The following LINGO1 variants were observed in gnomAD, a reference collection of about 807,000 sequenced individuals.
The protein encoded by LINGO1 is leucine rich repeat and Ig domain containing 1, also known as leucine-rich repeat and immunoglobulin-like domain-containing nogo receptor-interacting protein 1.
LINGO1 carries 11 observed loss-of-function variants against 37.3 expected under a neutral mutation model. The observed-to-expected ratio is 0.29, with a 90% CI of 0.19 to 0.49. LINGO1 has a LOEUF of 0.49. Ranked by LOEUF, LINGO1 falls within the 20% of genes least tolerant of loss-of-function variation. The pLI is 0.99. For missense variants in LINGO1, 585 were observed against 878.2 expected, an observed-to-expected ratio of 0.67 and a Z score of 4.22; for synonymous variants, 387 against 403.0, an observed-to-expected ratio of 0.96 and a Z score of 0.48.
chr15:77,629,725 G>T lies in LINGO1; in HGVS notation c.6+2585C>A, dbSNP rs76251206. Among the ~76,000 whole-genome samples the T allele has an allele frequency of 3.4e-3, 517 of 152,324 alleles. 4 individuals carry two copies. The highest frequency in any genetic ancestry group is 0.012 in the African/African-American group (486 of 41,564). ...CAGGGGCCAGGCAGGAGGGCAAAAG[G>T]AAGGGTACTAGGATTGCTCAGGGTG... On this transcript the variant is annotated intron_variant, in intron 1 of 1. Coordinates refer to ENST00000355300, the MANE Select transcript of LINGO1 (RefSeq NM_032808.7).
intron 1 of LINGO1, among the ~76,000 whole-genome samples, chr15:77,616,170 A>G (rs2073713987): frequency 6.6e-6 from 1 of 152,258 alleles, no homozygotes; most frequent in South Asian, 2.1e-4. Context: ...CACCTCAGAC[A>G]GCCTGGCATT....
chr15:77,714,343 A>C (rs953527346), intron 2 of LINGO1, among the ~76,000 whole-genome samples: 7 of 152,004 alleles, frequency 4.6e-5, no homozygotes, highest in African/African-American at 1.7e-4. Flanking sequence ...GCAGCTGGAG[A>C]GATCTTTTTT....
chr15:77,688,671 T>C (rs940990134), intron 2 of LINGO1, among the ~76,000 whole-genome samples: 12 of 152,154 alleles, frequency 7.9e-5, no homozygotes, highest in African/African-American at 2.4e-4. Context: ...CCCGCCACGG[T>C]TGGTTATTTA....
rs375086997 is a variant in LINGO1 at position 77,782,577 on chromosome 15, A to G, written c.-257+4292T>C. On this transcript the variant is annotated intron_variant, in intron 1 of 3. Coordinates refer to the LINGO1 transcript ENST00000561686. ...TCAAACCCGGCAAGTCCAAACCAGGATGCCTGCACCTCCACCTGCGCCATA... is the reference window on the plus strand; with the variant it reads ...TCAAACCCGGCAAGTCCAAACCAGGGTGCCTGCACCTCCACCTGCGCCATA... 3.3e-5 allele frequency among the ~76,000 whole-genome samples: 5 copies of G among 152,206 alleles called. No homozygotes were observed. The East Asian group carries it at 5.8e-4, about 18-fold the overall frequency.
intron 1 of LINGO1, among the ~76,000 whole-genome samples, 170 bp from the exon 2 acceptor site, chr15:77,616,070 G>GC (rs1347613638): frequency 5.9e-5 from 9 of 152,116 alleles, no homozygotes; most frequent in Admixed American, 1.3e-4. Flanking sequence ...TCCTCATGCT[G>GC]CCCCCTCCTT....
intron 3 of LINGO1, among the ~76,000 whole-genome samples, chr15:77,663,656 G>GGA (rs2075047449): frequency 6.6e-6 from 1 of 152,200 alleles, no homozygotes; most frequent in South Asian, 2.1e-4. Flanking sequence ...ACCAGTAGGG[G>GGA]TCCTTCCTCA....
chr15:77,725,988 G>A (rs1596160056), intron 2 of LINGO1, among the ~76,000 whole-genome samples: 1 of 152,330 alleles, frequency 6.6e-6, no homozygotes, highest in East Asian at 1.9e-4. Context: ...GTTCCATTTG[G>A]TTGGTAGGTT....
rs1331104386 is a variant in LINGO1 at position 77,615,352 on chromosome 15, G to A, written c.555C>T (p.Arg185=). The change falls in exon 2 of 2, where the codon CGC becomes CGT. Residue 185 remains arginine (R), a synonymous_variant. Coordinates refer to ENST00000355300, the MANE Select transcript of LINGO1 (RefSeq NM_032808.7). ...GDNDLVYISH[R]AFSGLNSLEQ... is the part of the protein sequence containing the mutation. ...CCAGGCTGTTGAGGCCGCTGAAGGC[G>A]CGGTGAGAGATGTAGACGAGGTCAT... 3.7e-6 allele frequency: 6 copies of A among 1,613,980 alleles called. No homozygotes were observed. The highest frequency in any genetic ancestry group is 2.2e-5 in the South Asian group (2 of 91,086).
rs150270264 is a variant in LINGO1 at position 77,643,538 on chromosome 15, G to A, written c.-12-27638C>T. On this transcript the variant is annotated intron_variant, in intron 3 of 3. Coordinates refer to the LINGO1 transcript ENST00000559893. Reference sequence around the variant, plus strand: ...GGAGCCTCAGGCCTACAGAGCTTCCGCAGGGGCTCTCCTGGCTCCTTGGCC... The same window carrying A: ...GGAGCCTCAGGCCTACAGAGCTTCCACAGGGGCTCTCCTGGCTCCTTGGCC... 3.9e-5 allele frequency among the ~76,000 whole-genome samples: 6 copies of A among 152,334 alleles called. No individual in the cohort carries two copies. In the East Asian group the frequency reaches 5.8e-4, roughly 15 times the overall value.
At chr15:77,689,576 G>A (rs1567523653) in intron 2 of LINGO1, among the ~76,000 whole-genome samples, 1 of 152,180 alleles carries the variant, frequency 6.6e-6, no homozygotes, top group Non-Finnish European at 1.5e-5. Flanking sequence ...ATTGATACAG[G>A]GGCCCAAAAG....
chr15:77,770,994 AC>A (rs1385960289), intron 1 of LINGO1, among the ~76,000 whole-genome samples: 6 of 152,130 alleles, frequency 3.9e-5, no homozygotes, highest in African/African-American at 1.4e-4. Flanking sequence ...AGAAAGCTGA[AC>A]CCCACCTCTG....
intron 3 of LINGO1, among the ~76,000 whole-genome samples, chr15:77,641,567 C>T (rs551940944): frequency 6.7e-4 from 102 of 152,306 alleles, no homozygotes; most frequent in African/African-American, 1.5e-3. Context: ...CTAAGACTAA[C>T]GAAGGGGCGG....
intron 1 of LINGO1, among the ~76,000 whole-genome samples, chr15:77,800,691 T>A (rs1443444781): frequency 6.6e-6 from 1 of 152,082 alleles, no homozygotes; most frequent in Non-Finnish European, 1.5e-5. Context: ...AGCCATAAAG[T>A]GAAAATTCAA....
At chr15:77,682,483 T>A (rs952817933) in intron 2 of LINGO1, among the ~76,000 whole-genome samples, 1 of 152,138 alleles carries the variant, frequency 6.6e-6, no homozygotes, top group African/African-American at 2.4e-5. Flanking sequence ...ACCACTCATG[T>A]GCACCTGCAT....
chr15:77,775,656 T>C (rs2076629801), intron 1 of LINGO1, among the ~76,000 whole-genome samples: 1 of 152,080 alleles, frequency 6.6e-6, no homozygotes, highest in South Asian at 2.1e-4. Flanking sequence ...CACTCATTGC[T>C]CCTTGTCATA....
intron 1 of LINGO1, among the ~76,000 whole-genome samples, chr15:77,777,471 A>ATGCGCG (rs2076672106): frequency 4.2e-5 from 2 of 47,954 alleles, no homozygotes; most frequent in African/African-American, 1.2e-4. Context: ...ACACGCACAC[A>ATGCGCG]CACACACACA....
At chr15:77,801,833 A>C (rs1020901424) in intron 1 of LINGO1, among the ~76,000 whole-genome samples, 5 of 152,174 alleles carry the variant, frequency 3.3e-5, no homozygotes, top group African/African-American at 1.2e-4. Flanking sequence ...ACAGGGTCAG[A>C]AGGTTGCTCA....
At position 77,717,638 on chromosome 15, in the gene LINGO1, C is replaced by G. The variant is rs564017935; in HGVS notation, c.-195+17354G>C. Among the ~76,000 whole-genome samples the G allele has an allele frequency of 1.1e-4, 17 of 150,974 alleles. 1 individual carries two copies. In the South Asian group the frequency reaches 3.6e-3, roughly 32 times the overall value. ...GAGAGGCAGACAGGCAGGGAGGGCT[C>G]AGCCCGCTTCTACCTTAGCTGGCAC... On this transcript the variant is annotated intron_variant, in intron 2 of 3. Coordinates refer to the LINGO1 transcript ENST00000561686.
chr15:77,631,323 G>C (rs11854903), intron 1 of LINGO1, among the ~76,000 whole-genome samples: 31,698 of 152,084 alleles, frequency 0.21, 6,697 homozygotes, highest in African/African-American at 0.54. Context: ...ACTCCCACCC[G>C]CTCAGGGCAG....
Sources: allele counts gnomAD v4.1 joint callset (sites outside exome capture counted in the v4.1 genomes callset), GRCh38; gene constraint gnomAD v4.1.1; transcripts MANE v1.5; gene names NCBI Gene and HGNC (gene_info 2026-07-23, HGNC 2026-07-21).